Variants in ADRA1B observed in about 807,000 individuals in gnomAD.
ADRA1B encodes the protein adrenoceptor alpha 1B.
A neutral mutation model predicts 17.9 loss-of-function variants in ADRA1B; 17 were observed. The ratio of observed to expected loss-of-function variants is 0.95; its 90% confidence interval spans 0.65 to 1.42. The LOEUF (loss-of-function observed/expected upper bound fraction) is 1.42, where lower values mean the gene tolerates loss of function less well. ADRA1B is among the 40% of genes most tolerant of loss of function. The pLI is 0.00. For synonymous variants in ADRA1B, 366 were observed against 327.6 expected, an observed-to-expected ratio of 1.12 and a Z score of -1.27; for missense variants, 681 against 722.1, an observed-to-expected ratio of 0.94 and a Z score of 0.65.
intron 1 of ADRA1B, among the ~76,000 whole-genome samples, chr5:159,960,708 T>TAAAA (rs71579107): frequency 2.5e-5 from 3 of 118,928 alleles, no homozygotes; most frequent in African/African-American, 9.2e-5. Flanking sequence ...CCCCAGCTCT[T>TAAAA]AAAAAAAAAA....
At chr5:159,952,864 C>T (rs1302508416) in intron 1 of ADRA1B, among the ~76,000 whole-genome samples, 1 of 152,222 alleles carries the variant, frequency 6.6e-6, no homozygotes, top group African/African-American at 2.4e-5. Context: ...ACATTCTCCA[C>T]CTTCTCTGTA....
chr5:159,918,006 G>C (rs1754377449), intron 1 of ADRA1B, 152 bp downstream of exon 1: 1 of 768,430 alleles, frequency 1.3e-6, no homozygotes, highest in Admixed American at 3.0e-5. Flanking sequence ...CAAAGGGTTT[G>C]CAGATTGGGG....
At chr5:159,925,607 A>T (rs995065941) in intron 1 of ADRA1B, among the ~76,000 whole-genome samples, 11 of 152,194 alleles carry the variant, frequency 7.2e-5, no homozygotes, top group African/African-American at 2.4e-4. Context: ...GTGAGTTGGC[A>T]TCGTGGGCGA....
chr5:159,968,355 T>C (rs914699533), intron 1 of ADRA1B, among the ~76,000 whole-genome samples: 7 of 152,236 alleles, frequency 4.6e-5, no homozygotes, highest in Admixed American at 2.6e-4. Context: ...ATTAGCATTA[T>C]TGATATTTTT....
upstream of ADRA1B, among the ~76,000 whole-genome samples, chr5:159,915,955 G>A (rs1406825395): frequency 6.6e-6 from 1 of 152,222 alleles, no homozygotes; most frequent in Non-Finnish European, 1.5e-5. Flanking sequence ...GAATAAATGA[G>A]TGAATGCCTG....
chr5:159,940,773 A>C (rs1755102602), intron 1 of ADRA1B, among the ~76,000 whole-genome samples: 1 of 152,318 alleles, frequency 6.6e-6, no homozygotes, highest in South Asian at 2.1e-4. Context: ...TATCTGTGGT[A>C]GTTTTTATTT....
chr5:159,948,199 A>G (rs892397241), intron 1 of ADRA1B: 1 of 985,340 alleles, frequency 1.0e-6, no homozygotes, highest in Non-Finnish European at 1.2e-6. Flanking sequence ...AGTCCAGACA[A>G]CAGGGCTTCT....
In ADRA1B at chr5:159,917,819, T is replaced by C; in HGVS notation, c.914T>C (p.Leu305Ser). Reference protein sequence around the residue: ...TLGIVVGMFILCWLPFFIALP... With the variant: ...TLGIVVGMFISCWLPFFIALP... ...GGCATTGTGGTCGGTATGTTCATCT[T>C]GTGCTGGCTACCCTTCTTCATCGCT... is the stretch of plus-strand genomic sequence containing the variant. The change falls in exon 1 of 2, where the codon TTG (leucine) becomes TCG (serine). Residue 305 changes from leucine to serine, a missense_variant. Physicochemically the swap from Leu to Ser is moderately radical, Grantham distance 145. This residue lies in a region of ADRA1B where 424 missense variants were observed against 480.2 expected (regional missense o/e 0.88). Coordinates refer to ENST00000306675, the MANE Select transcript of ADRA1B (RefSeq NM_000679.4). The C allele has an allele frequency of 6.2e-7, 1 of 1,612,304 alleles. No individual in the cohort carries two copies. The highest frequency in any genetic ancestry group is 8.5e-7 in the Non-Finnish European group (1 of 1,179,536).
At chr5:159,871,214 A>G (rs1051624561) in intron 1 of ADRA1B, 4 of 152,198 alleles carry the variant, frequency 2.6e-5, no homozygotes, top group African/African-American at 9.6e-5. Context: ...CTTGCATTAA[A>G]TATAAATATA....
At chr5:159,879,201 G>T (rs1362169412) in intron 1 of ADRA1B, among the ~76,000 whole-genome samples, 1 of 152,150 alleles carries the variant, frequency 6.6e-6, no homozygotes, top group African/African-American at 2.4e-5. Flanking sequence ...TTTGTTTGGG[G>T]TTGGGAGGAT....
chr5:159,943,695 G>T (rs1755195355), intron 1 of ADRA1B, among the ~76,000 whole-genome samples: 1 of 151,888 alleles, frequency 6.6e-6, no homozygotes, highest in Non-Finnish European at 1.5e-5. Context: ...CAGGGGTTGG[G>T]GAGAGAAAGA....
At chr5:159,894,898 C>T (rs368222485) in intron 1 of ADRA1B, among the ~76,000 whole-genome samples, 1 of 152,184 alleles carries the variant, frequency 6.6e-6, no homozygotes, top group East Asian at 1.9e-4. Context: ...CCTTTTAGCA[C>T]AACAGAGCAT....
intron 1 of ADRA1B, among the ~76,000 whole-genome samples, chr5:159,887,698 A>G (rs1753940553): frequency 6.6e-6 from 1 of 152,182 alleles, no homozygotes. Context: ...AAGCTATTAC[A>G]CTTCCTTTTT....
intron 1 of ADRA1B, chr5:159,929,200 TAAA>T (rs1319037511): frequency 2.0e-5 from 3 of 151,944 alleles, no homozygotes; most frequent in Non-Finnish European, 2.9e-5. Context: ...TATTATAGAG[TAAA>T]AAAAGTCCTT....
chr5:159,907,350 G>A (rs1274599390), intron 1 of ADRA1B, among the ~76,000 whole-genome samples: 1 of 152,180 alleles, frequency 6.6e-6, no homozygotes, highest in Non-Finnish European at 1.5e-5. Flanking sequence ...TATTATTTCT[G>A]CCTACCTGAT....
chr5:159,972,479 CCGGGCA>C lies in ADRA1B; in HGVS notation c.1551_1556del (p.Gly518_Gln519del). ...TTCAAAAGCAACATGCCCCTGGCGC[CCGGGCA>C]GTTTTAGGGCCCCCGTGCGCAGCTT... On this transcript the variant is annotated inframe_deletion, in exon 2 of 2. Transcript: ENST00000306675. 7.5e-7 allele frequency: 1 copy of C among 1,326,634 alleles called. No individual in the cohort carries two copies. Among genetic ancestry groups the C allele is most frequent in the South Asian group, 1.3e-5 (1 of 76,130 alleles). The allele number at this position is 1,326,634 out of a possible 1,614,324, so 82.2% of individuals were successfully genotyped here. A position where few individuals can be genotyped will look rare whatever the true frequency, so the allele number is the denominator to read the frequency against.
intron 1 of ADRA1B, among the ~76,000 whole-genome samples, chr5:159,876,095 A>G (rs1753799595): frequency 6.6e-6 from 1 of 152,224 alleles, no homozygotes; most frequent in South Asian, 2.1e-4. Flanking sequence ...AGGCTGAGGC[A>G]GGAGAATCGC....
Position 159,867,625 on chromosome 5 carries a change from T to C in ADRA1B, c.-256+2419T>C, listed in dbSNP as rs567742423. 3.3e-5 allele frequency among the ~76,000 whole-genome samples: 5 copies of C among 152,288 alleles called. No homozygotes were observed. In the South Asian group the frequency reaches 1.0e-3, roughly 32 times the overall value. On this transcript the variant is annotated intron_variant, in intron 1 of 2. Coordinates refer to the ADRA1B transcript ENST00000641205. ...GGGTTTTTCCACATCAGGGTGGATG[T>C]CTCCTCAGAAAGAATTCTCAAACCA...
chr5:159,921,344 A>G (rs75325997), intron 1 of ADRA1B, among the ~76,000 whole-genome samples: 1,719 of 152,330 alleles, frequency 0.011, 38 homozygotes, highest in African/African-American at 0.039. Flanking sequence ...AGGGACAGGA[A>G]ATAATTGGAA....
Sources: gnomAD v4.1 joint callset for allele counts (sites outside exome capture counted in the v4.1 genomes callset) on GRCh38, gnomAD v4.1.1 for gene constraint, gnomAD v4.1.1 regional missense constraint, MANE v1.5 for transcripts, NCBI Gene and HGNC (gene_info 2026-07-23, HGNC 2026-07-21) for gene names.